CAMKMT: variants seen among roughly 807,000 people sequenced by gnomAD.
CAMKMT encodes calmodulin-lysine N-methyltransferase, also known as CaM KMT.
Under a neutral mutation model 48.0 loss-of-function variants are expected in CAMKMT, and 53 were observed. The ratio of observed to expected loss-of-function variants is 1.10; its 90% CI spans 0.89 to 1.39. The LOEUF (loss-of-function observed/expected upper bound fraction) is 1.39, where lower values mean the gene tolerates loss of function less well. Among genes scored for constraint, CAMKMT ranks in the 40% most tolerant of loss-of-function variants. The pLI, the probability that CAMKMT is intolerant of heterozygous loss-of-function variation, is 0.00. For synonymous variants in CAMKMT, 165 were observed against 152.3 expected, an observed-to-expected ratio of 1.08 and a Z score of -0.61; for missense variants, 428 against 402.7, an observed-to-expected ratio of 1.06 and a Z score of -0.54.
At chr2:44,458,781 T>C (rs1029914969) in intron 3 of CAMKMT, among the ~76,000 whole-genome samples, 1 of 152,224 alleles carries the variant, frequency 6.6e-6, no homozygotes, top group African/African-American at 2.4e-5. Context: ...AATACTCCTA[T>C]AGCAATACTT....
intron 3 of CAMKMT, among the ~76,000 whole-genome samples, chr2:44,540,554 C>T (rs2104853691): frequency 6.6e-6 from 1 of 152,254 alleles, no homozygotes; most frequent in African/African-American, 2.4e-5. Flanking sequence ...CGTTCAAGAC[C>T]AGCCTGGGCA....
At chr2:44,559,951 A>G (rs1254806272) in intron 3 of CAMKMT, among the ~76,000 whole-genome samples, 1 of 152,194 alleles carries the variant, frequency 6.6e-6, no homozygotes, top group Non-Finnish European at 1.5e-5. Context: ...TCATTTTTAT[A>G]TTGACTTTGA....
At chr2:44,364,475 T>G (rs1678383600) in intron 1 of CAMKMT, among the ~76,000 whole-genome samples, 1 of 152,166 alleles carries the variant, frequency 6.6e-6, no homozygotes, top group African/African-American at 2.4e-5. Context: ...GGTCTCTTTT[T>G]CTTACTAGAA....
intron 6 of CAMKMT, among the ~76,000 whole-genome samples, chr2:44,712,589 T>C (rs1160751094): frequency 6.6e-6 from 1 of 152,124 alleles, no homozygotes; most frequent in East Asian, 1.9e-4. Context: ...GCCACAAACA[T>C]ATATCCTGTA....
chr2:44,513,636 C>A (rs1239901693), intron 3 of CAMKMT, among the ~76,000 whole-genome samples: 2 of 152,176 alleles, frequency 1.3e-5, no homozygotes, highest in Non-Finnish European at 1.5e-5. Context: ...GCGCCTTCTT[C>A]TAATCATAGC....
chr2:44,673,523 A>AAGGAAGGAAGGAAGGG (rs1558786882), intron 3 of CAMKMT, among the ~76,000 whole-genome samples: 4 of 75,384 alleles, frequency 5.3e-5, no homozygotes, highest in African/African-American at 2.2e-4. Context: ...GGAAGGAAGG[A>AAGGAAGGAAGGAAGGG]GGGAAGGAAG....
At chr2:44,678,420 C>G (rs895450883) in intron 3 of CAMKMT, among the ~76,000 whole-genome samples, 2 of 152,268 alleles carry the variant, frequency 1.3e-5, no homozygotes, top group East Asian at 3.9e-4. Context: ...GCTGCTTACT[C>G]ATCAGTGAAC....
rs550698429 is a variant in CAMKMT, at chr2:44,562,185, G to A, written c.377-142098G>A. Among the ~76,000 whole-genome samples, 24 of 152,284 alleles carry A rather than the reference G, an allele frequency of 1.6e-4. No individual in the cohort carries two copies. In the East Asian group the frequency reaches 4.4e-3, roughly 28 times the overall value. ...CCTCTAGTGGTGAGCCAGTGAGAGG[G>A]GCTAAGAGCCATGTCCCCCTTCCCA... On this transcript the variant is annotated intron_variant, in intron 3 of 10. Coordinates refer to ENST00000378494, the MANE Select transcript of CAMKMT (RefSeq NM_024766.5).
intron 3 of CAMKMT, among the ~76,000 whole-genome samples, chr2:44,422,743 T>C (rs1176045947): frequency 6.6e-6 from 1 of 152,010 alleles, no homozygotes; most frequent in Non-Finnish European, 1.5e-5. Flanking sequence ...AGATGGAGCA[T>C]AAATTTTATC....
At chr2:44,726,995 G>A (rs1433215391) in intron 7 of CAMKMT, among the ~76,000 whole-genome samples, 1 of 152,126 alleles carries the variant, frequency 6.6e-6, no homozygotes, top group Non-Finnish European at 1.5e-5. Context: ...TTTTATACCA[G>A]TACCAAGCTG....
intron 3 of CAMKMT, among the ~76,000 whole-genome samples, chr2:44,414,769 G>A (rs1327621592): frequency 1.3e-5 from 2 of 152,192 alleles, no homozygotes; most frequent in Non-Finnish European, 2.9e-5. Flanking sequence ...ATCATCATTG[G>A]TAGTTCTCTA....
At chr2:44,426,859 G>A (rs1266101750) in intron 3 of CAMKMT, among the ~76,000 whole-genome samples, 1 of 152,246 alleles carries the variant, frequency 6.6e-6, no homozygotes, top group South Asian at 2.1e-4. Flanking sequence ...AGCCCAAGTA[G>A]CCAAAGCAAG....
At chr2:44,512,692 T>A (rs2104773538) in intron 3 of CAMKMT, among the ~76,000 whole-genome samples, 1 of 152,394 alleles carries the variant, frequency 6.6e-6, no homozygotes, top group Admixed American at 6.5e-5. Context: ...CATCAAAATA[T>A]CTATACCTAA....
chr2:44,663,712 C>A (rs2104093366), intron 3 of CAMKMT, among the ~76,000 whole-genome samples: 1 of 152,302 alleles, frequency 6.6e-6, no homozygotes, highest in Non-Finnish European at 1.5e-5. Flanking sequence ...ATTGTTCACC[C>A]TCTTCAGTCT....
intron 3 of CAMKMT, among the ~76,000 whole-genome samples, chr2:44,415,761 G>T (rs1160100794): frequency 1.3e-5 from 2 of 152,134 alleles, no homozygotes; most frequent in African/African-American, 4.8e-5. Flanking sequence ...TGAAATCCCT[G>T]GGTGGGAAGT....
rs539052361 is a variant in CAMKMT at position 44,621,278 on chromosome 2, A to G, written c.377-83005A>G. Among the ~76,000 whole-genome samples, 99 of 150,882 alleles carry G rather than the reference A, an allele frequency of 6.6e-4. 1 individual carries two copies. The highest frequency in any genetic ancestry group is 3.4e-3 in the Middle Eastern group (1 of 294). On this transcript the variant is annotated intron_variant, in intron 3 of 10. Transcript: ENST00000378494. ...CGAGACTCCATCTCAAAAAAAAAAA[A>G]AAAAAAAGCATAAGAAAGCACAACC...
chr2:44,548,760 C>T (rs1422679841), intron 3 of CAMKMT, among the ~76,000 whole-genome samples: 2 of 152,222 alleles, frequency 1.3e-5, no homozygotes, highest in Admixed American at 6.5e-5. Context: ...CCTTGTTTGC[C>T]AGCCAGAGAG....
chr2:44,431,989 G>A (rs1164503346), intron 3 of CAMKMT, among the ~76,000 whole-genome samples: 1 of 152,198 alleles, frequency 6.6e-6, no homozygotes. Flanking sequence ...GGTATAGGCA[G>A]AAAACCCAAC....
intron 3 of CAMKMT, among the ~76,000 whole-genome samples, chr2:44,506,936 G>A (rs962991916): frequency 5.3e-5 from 8 of 152,126 alleles, no homozygotes; most frequent in Non-Finnish European, 8.8e-5. Context: ...ACTATGTGAC[G>A]GAATGGCAAA....
Sources: allele counts gnomAD v4.1 joint callset (sites outside exome capture counted in the v4.1 genomes callset), GRCh38; gene constraint gnomAD v4.1.1; transcripts MANE v1.5; gene names NCBI Gene and HGNC (gene_info 2026-07-23, HGNC 2026-07-21).